KASH5: variants seen among roughly 807,000 people sequenced by gnomAD.
KASH5 encodes protein KASH5.
Under a neutral mutation model 84.2 loss-of-function variants are expected in KASH5, and 72 were observed. The observed-to-expected ratio is 0.85, with a 90% CI of 0.71 to 1.04. KASH5 has a LOEUF of 1.04. Among genes scored for constraint, KASH5 ranks in the 50% least tolerant of loss-of-function variants. The probability of loss-of-function intolerance (pLI) is 0.00; values close to 1 mark genes in which losing one functional copy is unlikely to be tolerated. For synonymous variants in KASH5, 260 were observed against 279.1 expected (o/e 0.93, Z 0.68); for missense variants, 650 against 701.0 (o/e 0.93, Z 0.82).
chr19:49,396,268 T>TTGAGATAAGAG (rs1974177613), intron 5 of KASH5, among the ~76,000 whole-genome samples: 1 of 89,718 alleles, frequency 1.1e-5, no homozygotes, highest in African/African-American at 4.5e-5. Context: ...TTTTTTTTTT[T>TTGAGATAAGAG]TTGAGATAAG....
chr19:49,395,915 G>GA lies in KASH5; in HGVS notation c.400+83dup. On this transcript the variant is annotated intron_variant, in intron 5 of 19. Coordinates refer to ENST00000447857, the MANE Select transcript of KASH5 (RefSeq NM_144688.5). The surrounding 1 kb of genome is among the most constrained non-coding windows in gnomAD (Gnocchi z 4.4). ...ACTTACCACCCAGGGCAGAGCAAGG[G>GA]ATAGGGTAGGAACCAGGGACCTTTA... The GA allele has an allele frequency of 1.7e-6, 2 of 1,180,250 alleles. No homozygotes were observed. Among genetic ancestry groups the GA allele is most frequent in the Non-Finnish European group, 2.4e-6 (2 of 821,936 alleles). 73.1% of individuals were successfully genotyped at this position (1,180,250 alleles called of 1,614,324 possible).
intron 7 of KASH5, among the ~76,000 whole-genome samples, chr19:49,398,456 G>A (rs1189724738): frequency 6.7e-6 from 1 of 149,810 alleles, no homozygotes. Flanking sequence ...TGTACCCTCC[G>A]CCTCTGGGCT....
intron 7 of KASH5, 103 bp downstream of exon 7, chr19:49,398,246 G>A: frequency 1.0e-6 from 1 of 987,180 alleles, no homozygotes; most frequent in Non-Finnish European, 1.5e-6. Context: ...CCTGCTCTTT[G>A]ACTCTGTACC....
At position 49,409,827 on chromosome 19, in the gene KASH5, G is replaced by C. The variant is rs376598129; in HGVS notation, c.1221G>C (p.Glu407Asp). ...GVWQWEEVIH[E>D]TSEETEFPSE... The stretch of plus-strand genomic sequence containing the variant: ...GGCAGTGGGAGGAAGTCATCCATGA[G>C]ACCAGTGAGGAAACTGAGTTTCCAT... The change falls in exon 15 of 20, where the codon GAG becomes GAC. Residue 407 changes from glutamate (E) to aspartate (D), a missense_variant. Physicochemically the swap from Glu to Asp is conservative, Grantham distance 45 (BLOSUM62 2). Coordinates refer to ENST00000447857, the MANE Select transcript of KASH5 (RefSeq NM_144688.5). 1.3e-5 allele frequency: 21 copies of C among 1,613,854 alleles called. No homozygotes were observed. Among genetic ancestry groups the C allele is most frequent in the Non-Finnish European group, 1.8e-5 (21 of 1,179,864 alleles).
intron 9 of KASH5, among the ~76,000 whole-genome samples, chr19:49,400,120 C>T (rs1974313385): frequency 6.7e-6 from 1 of 149,224 alleles, no homozygotes; most frequent in East Asian, 2.0e-4. Context: ...TCCAGCCACT[C>T]AGGAGGCTGA....
rs1251842514 is a variant in KASH5, at chr19:49,394,470, C to T, written c.44-6C>T. ...ACTGGTGAGCTGAGCCCTCTTGTCT[C>T]CCCAGTGTACCTCCGGGAGCGGCCT... is the stretch of plus-strand genomic sequence containing the variant. On this transcript the variant is annotated splice_region_variant and splice_polypyrimidine_tract_variant and intron_variant, in intron 2 of 19. Transcript: ENST00000447857. The T allele has an allele frequency of 6.2e-7, 1 of 1,612,156 alleles. No individual in the cohort carries two copies. Among genetic ancestry groups the T allele is most frequent in the Non-Finnish European group, 8.5e-7 (1 of 1,178,554 alleles).
At chr19:49,406,669 G>C (rs115959425) in intron 9 of KASH5, among the ~76,000 whole-genome samples, 4,820 of 152,164 alleles carry the variant, frequency 0.032, 213 homozygotes, top group African/African-American at 0.098. Flanking sequence ...GCCACTGCGC[G>C]TGGCCTAGCT....
At position 49,398,147 on chromosome 19, in the gene KASH5, G is replaced by A. The variant is rs199564198; in HGVS notation, c.629+4G>A. The A allele has an allele frequency of 6.4e-7, 1 of 1,564,786 alleles. No individual in the cohort carries two copies. Among genetic ancestry groups the A allele is most frequent in the Admixed American group, 1.8e-5 (1 of 56,996 alleles). On this transcript the variant is annotated splice_donor_region_variant and intron_variant, in intron 7 of 19. Transcript: ENST00000447857. ...CTCTGCGTAAGCAGCTTCACAGGTGGGCTGGATGCCACACCCACCCTCCCC... is the reference window on the plus strand; with the variant it reads ...CTCTGCGTAAGCAGCTTCACAGGTGAGCTGGATGCCACACCCACCCTCCCC...
rs1020614452 is a variant in KASH5 at position 49,412,775 on chromosome 19, T to C, written c.1270-193T>C. ...TTGGCTTCTGCCCTTAGGGGGCTAA[T>C]AGGGCCATCCTCATGTAGGGCAGCA... On this transcript the variant is annotated intron_variant, in intron 15 of 19. Transcript: ENST00000447857. This position sits in a 1 kb window ranked among gnomAD's most constrained non-coding sequence, Gnocchi z 4.6. Among the ~76,000 whole-genome samples the C allele has an allele frequency of 1.3e-5, 2 of 152,138 alleles. No individual in the cohort carries two copies. The highest frequency in any genetic ancestry group is 4.8e-5 in the African/African-American group (2 of 41,424).
intron 6 of KASH5, 41 bp downstream of exon 6, chr19:49,397,758 C>T: frequency 6.3e-7 from 1 of 1,599,858 alleles, no homozygotes; most frequent in Non-Finnish European, 8.6e-7. Flanking sequence ...CCTGCCCACA[C>T]CCTGTCCCCT....
chr19:49,395,667 C>A lies in KASH5; in HGVS notation c.336-102C>A. On this transcript the variant is annotated intron_variant, in intron 4 of 19. Coordinates refer to ENST00000447857, the MANE Select transcript of KASH5 (RefSeq NM_144688.5). This position sits in a 1 kb window ranked among gnomAD's most constrained non-coding sequence, Gnocchi z 4.4. ...CCTACCCTGTGGTGCCAGCTCTCACCTGACCCGGTCCCCTCCTCCCACCTG... is the reference window on the plus strand; with the variant it reads ...CCTACCCTGTGGTGCCAGCTCTCACATGACCCGGTCCCCTCCTCCCACCTG... The A allele has an allele frequency of 8.2e-7, 1 of 1,221,110 alleles. No homozygotes were observed. Among genetic ancestry groups the A allele is most frequent in the Non-Finnish European group, 1.2e-6 (1 of 856,562 alleles). The allele number at this position is 1,221,110 out of a possible 1,614,324, so 75.6% of individuals were successfully genotyped here. A position where few individuals can be genotyped will look rare whatever the true frequency, so the allele number is the denominator to read the frequency against.
Position 49,417,426 on chromosome 19 carries a change from G to T in KASH5, c.1605G>T (p.Leu535=). ...APVLGLLLLL[L]LSVLLLGPSP... ...TCCTGGGCCTGCTGCTGCTGCTGCT[G>T]CTCTCTGTCCTGCTGCTTGGCCCGT... Residue 535 remains leucine (L), a synonymous_variant, in exon 20 of 20, where the codon CTG becomes CTT. Transcript: ENST00000447857. This position sits in a 1 kb window ranked among gnomAD's most constrained non-coding sequence, Gnocchi z 5.2. The T allele has an allele frequency of 6.4e-7, 1 of 1,555,408 alleles. No individual in the cohort carries two copies. The highest frequency in any genetic ancestry group is 8.7e-7 in the Non-Finnish European group (1 of 1,149,478).
intron 9 of KASH5, among the ~76,000 whole-genome samples, chr19:49,400,224 T>C: frequency 2.3e-5 from 1 of 44,232 alleles, no homozygotes; most frequent in Admixed American, 2.9e-4. Flanking sequence ...CGAGAGCCTC[T>C]CAAAAAAAAA....
chr19:49,393,034 A>G (rs1028007023), intron 2 of KASH5, among the ~76,000 whole-genome samples: 2 of 152,096 alleles, frequency 1.3e-5, no homozygotes, highest in Non-Finnish European at 2.9e-5. Flanking sequence ...TTCAAGACAG[A>G]GGGGGTGCAA....
chr19:49,389,322 C>A (rs945860233), intron 1 of KASH5, among the ~76,000 whole-genome samples: 4 of 149,828 alleles, frequency 2.7e-5, no homozygotes, highest in Non-Finnish European at 4.5e-5. Flanking sequence ...CAGCCAGACA[C>A]TCCCCAGAAA....
intron 9 of KASH5, among the ~76,000 whole-genome samples, chr19:49,402,896 A>G (rs1974406533): frequency 6.9e-6 from 1 of 145,978 alleles, no homozygotes; most frequent in Non-Finnish European, 1.5e-5. Context: ...CATTTCCTTA[A>G]CCAGAGGTTT....
chr19:49,405,034 G>A (rs1393176552), intron 9 of KASH5, among the ~76,000 whole-genome samples: 1 of 152,148 alleles, frequency 6.6e-6, no homozygotes, highest in Non-Finnish European at 1.5e-5. Flanking sequence ...TACCAGGGTC[G>A]GGGTGGAGGG....
intron 5 of KASH5, 72 bp from the exon 6 acceptor site, chr19:49,397,579 C>G: frequency 7.0e-7 from 1 of 1,437,060 alleles, no homozygotes; most frequent in Non-Finnish European, 9.8e-7. Context: ...GGAGTCCAAC[C>G]TCAGAGCCCT....
chr19:49,389,610 A>T (rs1973935230), intron 1 of KASH5: 1 of 152,504 alleles, frequency 6.6e-6, no homozygotes. Flanking sequence ...GTGTTTCCAG[A>T]ACGGTGGCAG....
Sources: allele counts gnomAD v4.1 joint callset (sites outside exome capture counted in the v4.1 genomes callset), GRCh38; gene constraint gnomAD v4.1.1; non-coding constraint Gnocchi (gnomAD v3.1); transcripts MANE v1.5; gene names NCBI Gene and HGNC (gene_info 2026-07-23, HGNC 2026-07-21).